The following PHF14 variants were observed in gnomAD, a reference collection of about 807,000 sequenced individuals.
PHF14 encodes PHD finger protein 14.
PHF14 carries 55 observed loss-of-function variants against 117.9 expected under a neutral mutation model. The observed-to-expected ratio is 0.47, with a 90% CI of 0.38 to 0.58. The LOEUF is 0.58. Among genes scored for constraint, PHF14 ranks in the 20% least tolerant of loss-of-function variants. The pLI is 0.00. For synonymous variants in PHF14, 409 were observed against 368.6 expected, an observed-to-expected ratio of 1.11 and a Z score of -1.26; for missense variants, 978 against 1,122.2, an observed-to-expected ratio of 0.87 and a Z score of 1.84.
chr7:11,165,261 T>C (rs1380238303), intron 17 of PHF14, among the ~76,000 whole-genome samples: 4 of 152,172 alleles, frequency 2.6e-5, no homozygotes, highest in Non-Finnish European at 4.4e-5. Flanking sequence ...AATTATATTG[T>C]AGAGGGTTTA....
intron 14 of PHF14, among the ~76,000 whole-genome samples, chr7:11,057,621 G>A (rs572851438): frequency 3.0e-4 from 45 of 152,192 alleles, no homozygotes; most frequent in Non-Finnish European, 5.9e-4. Flanking sequence ...TGATCTACCC[G>A]CCTCGGCCTC....
chr7:11,080,311 G>C (rs3801444), intron 16 of PHF14, among the ~76,000 whole-genome samples: 7 of 151,972 alleles, frequency 4.6e-5, no homozygotes, highest in Non-Finnish European at 1.0e-4. Context: ...GTGCATACTT[G>C]TTAACATCTC....
chr7:11,157,996 A>G (rs1391448550), intron 17 of PHF14, among the ~76,000 whole-genome samples: 1 of 152,166 alleles, frequency 6.6e-6, no homozygotes, highest in Admixed American at 6.5e-5. Context: ...TAAAAATAGG[A>G]TGGAGTGTTC....
At chr7:10,994,637 C>G (rs1055503618) in intron 4 of PHF14, among the ~76,000 whole-genome samples, 2 of 152,132 alleles carry the variant, frequency 1.3e-5, no homozygotes, top group African/African-American at 2.4e-5. Flanking sequence ...CTTGGTTTCA[C>G]TAACTTCAAG....
chr7:10,980,150 A>C (rs569425740), intron 2 of PHF14, among the ~76,000 whole-genome samples: 2 of 152,230 alleles, frequency 1.3e-5, no homozygotes, highest in South Asian at 4.1e-4. Flanking sequence ...GCAAAGTTGG[A>C]TTGGTCTCAA....
chr7:11,079,845 T>G (rs1351183157), intron 16 of PHF14, among the ~76,000 whole-genome samples: 4 of 152,144 alleles, frequency 2.6e-5, no homozygotes, highest in Admixed American at 6.5e-5. Flanking sequence ...TGTTTTTTCT[T>G]CTTAGTAACC....
chr7:11,122,344 TATATATATAC>T (rs1252854209), intron 17 of PHF14, among the ~76,000 whole-genome samples: 6 of 68,478 alleles, frequency 8.8e-5, no homozygotes, highest in East Asian at 8.1e-4. Context: ...TATATATATA[TATATATATAC>T]ACACACACAC....
chr7:11,112,748 G>A (rs1269921656), intron 17 of PHF14, among the ~76,000 whole-genome samples: 1 of 151,612 alleles, frequency 6.6e-6, no homozygotes, highest in Non-Finnish European at 1.5e-5. Context: ...GCCAACCTGG[G>A]CGACAGGGCG....
chr7:11,124,881 A>G (rs1583485051), intron 17 of PHF14, among the ~76,000 whole-genome samples: 2 of 152,276 alleles, frequency 1.3e-5, no homozygotes, highest in East Asian at 3.9e-4. Context: ...TCGGAAAGGG[A>G]AAAATATTAT....
In PHF14 at chr7:10,983,048, C is replaced by T. The variant is rs753898264; in HGVS notation, c.789C>T (p.Ala263=). 1.3e-5 allele frequency: 20 copies of T among 1,595,166 alleles called. No homozygotes were observed. The highest frequency in any genetic ancestry group is 1.6e-5 in the Non-Finnish European group (19 of 1,176,022). ...ATGATGAAGATCATAGTAGCCCTGCCAGTGAAGGGGGTTGCAAGAAGAAGA... is the reference window on the plus strand; with the variant it reads ...ATGATGAAGATCATAGTAGCCCTGCTAGTGAAGGGGGTTGCAAGAAGAAGA... The part of the protein sequence containing the change: ...EGNDEDHSSP[A]SEGGCKKKKS... The change falls in exon 3 of 18, where the codon GCC becomes GCT. Residue 263 remains alanine, a synonymous_variant. Coordinates refer to ENST00000634607, the MANE Select transcript of PHF14 (RefSeq NM_001007157.2).
chr7:11,063,433 A>G, intron 16 of PHF14: 2 of 972,396 alleles, frequency 2.1e-6, no homozygotes, highest in Non-Finnish European at 1.2e-6. Flanking sequence ...AAAAAAAATA[A>G]CAATCTTATA....
chr7:11,037,987 G>T (rs1784366079), intron 10 of PHF14, among the ~76,000 whole-genome samples: 1 of 152,132 alleles, frequency 6.6e-6, no homozygotes, highest in African/African-American at 2.4e-5. Flanking sequence ...ATAACAAACT[G>T]TAAAAGAAGG....
chr7:11,068,299 A>C (rs1008516041), intron 16 of PHF14, among the ~76,000 whole-genome samples: 1 of 147,914 alleles, frequency 6.8e-6, no homozygotes, highest in Non-Finnish European at 1.5e-5. Flanking sequence ...GCAGTGAGCC[A>C]AGATCGCACC....
intron 1 of PHF14, 121 bp from the exon 2 acceptor site, chr7:10,974,714 T>G: frequency 1.6e-6 from 1 of 634,362 alleles, no homozygotes; most frequent in Non-Finnish European, 2.8e-6. Flanking sequence ...CCCCTTTTGC[T>G]GAGAACTCAG....
Position 10,974,144 on chromosome 7 carries a change from G to A in PHF14, c.-180G>A. On this transcript the variant is annotated 5_prime_UTR_variant, in exon 1 of 18. Transcript: ENST00000634607. ...CAGGGCCAGGCGAGGCCGGGGGGGC[G>A]GGGGGTTAGGGGACCGCGGGGCTAC... The A allele has an allele frequency of 3.3e-6, 2 of 599,644 alleles. No homozygotes were observed. The allele number at this position is 599,644 out of a possible 1,614,324, so 37.1% of individuals were successfully genotyped here. A position where few individuals can be genotyped will look rare whatever the true frequency, so the allele number is the denominator to read the frequency against.
intron 17 of PHF14, among the ~76,000 whole-genome samples, chr7:11,153,983 A>G (rs573588890): frequency 5.3e-5 from 8 of 150,230 alleles, no homozygotes; most frequent in African/African-American, 2.0e-4. Context: ...TTTAAGAATA[A>G]GGAATACTTT....
chr7:11,161,462 G>A (rs752246269), intron 17 of PHF14, among the ~76,000 whole-genome samples: 44 of 151,652 alleles, frequency 2.9e-4, no homozygotes, highest in Non-Finnish European at 3.4e-4. Flanking sequence ...CTTAGTTATC[G>A]CTGAGTAATT....
chr7:11,005,412 T>A (rs146688120), intron 4 of PHF14, among the ~76,000 whole-genome samples: 58 of 152,354 alleles, frequency 3.8e-4, no homozygotes, highest in African/African-American at 1.2e-3. Context: ...CTGTTACTTA[T>A]TACATTGTCC....
rs530199420 is a variant in PHF14, at chr7:11,168,720, G to A, written c.2773-696G>A. On this transcript the variant is annotated intron_variant, in intron 17 of 17. Transcript: ENST00000634607. ...GTTGAAAGAACATGTATGATGAGAT[G>A]GGTTACAAATTGTAAGATGAAATAT... Among the ~76,000 whole-genome samples, 26 of 152,030 alleles carry A rather than the reference G, an allele frequency of 1.7e-4. 1 individual carries two copies. The highest frequency in any genetic ancestry group is 2.9e-5 in the Non-Finnish European group (2 of 68,008).
Sources: gnomAD v4.1 joint callset for allele counts (sites outside exome capture counted in the v4.1 genomes callset) on GRCh38, gnomAD v4.1.1 for gene constraint, MANE v1.5 for transcripts, NCBI Gene and HGNC (gene_info 2026-07-23, HGNC 2026-07-21) for gene names.